SUMF1: variants seen among roughly 807,000 people sequenced by gnomAD.
SUMF1 encodes formylglycine-generating enzyme.
A neutral mutation model predicts 47.6 loss-of-function variants in SUMF1; 48 were observed. That is an observed-to-expected ratio of 1.01 (90% CI 0.80 to 1.28). The LOEUF is 1.28. SUMF1 is among the 50% of genes most tolerant of loss of function. SUMF1 has a pLI of 0.00. For synonymous variants in SUMF1, 230 were observed against 192.1 expected (o/e 1.20, Z -1.63); for missense variants, 571 against 485.4 (o/e 1.18, Z -1.66).
chr3:4,057,795 A>T (rs972488615), intron 9 of SUMF1, among the ~76,000 whole-genome samples: 2 of 152,094 alleles, frequency 1.3e-5, no homozygotes, highest in Admixed American at 1.3e-4. Context: ...GTTTATGGGG[A>T]TAGATTATTT....
intron 8 of SUMF1, among the ~76,000 whole-genome samples, chr3:4,259,281 T>C (rs538648571): frequency 6.6e-6 from 1 of 152,216 alleles, no homozygotes; most frequent in South Asian, 2.1e-4. Context: ...AATAAATAAA[T>C]AAATAAAAAT....
At chr3:4,231,272 C>G (rs1696293324) in intron 8 of SUMF1, among the ~76,000 whole-genome samples, 1 of 152,120 alleles carries the variant, frequency 6.6e-6, no homozygotes, top group African/African-American at 2.4e-5. Flanking sequence ...GGTCACATAA[C>G]CTTTAGGACT....
At chr3:4,131,258 T>A (rs191521785) in intron 8 of SUMF1, among the ~76,000 whole-genome samples, 4 of 152,122 alleles carry the variant, frequency 2.6e-5, no homozygotes, top group Non-Finnish European at 5.9e-5. Flanking sequence ...GAGCAGGTCA[T>A]GAAGGCACAA....
At chr3:4,306,571 C>G (rs543193161) in intron 8 of SUMF1, among the ~76,000 whole-genome samples, 11 of 152,274 alleles carry the variant, frequency 7.2e-5, no homozygotes, top group Non-Finnish European at 1.5e-4. Context: ...AGACAGGATG[C>G]CTTCCTAAGA....
intron 8 of SUMF1, among the ~76,000 whole-genome samples, chr3:4,214,141 T>C (rs1695863555): frequency 6.6e-6 from 1 of 152,220 alleles, no homozygotes; most frequent in African/African-American, 2.4e-5. Flanking sequence ...TATTCTAAAA[T>C]TGACCACATA....
At chr3:4,466,345 C>CAG (rs1452716234) in intron 1 of SUMF1, among the ~76,000 whole-genome samples, 1 of 152,092 alleles carries the variant, frequency 6.6e-6, no homozygotes, top group Non-Finnish European at 1.5e-5. Flanking sequence ...CTCCTGACCT[C>CAG]GTGATCCGCG....
intron 8 of SUMF1, among the ~76,000 whole-genome samples, chr3:4,083,042 G>C (rs1692599825): frequency 6.6e-6 from 1 of 152,014 alleles, no homozygotes; most frequent in African/African-American, 2.4e-5. Context: ...ATGTCTCCTG[G>C]GTCTAGAACA....
intron 8 of SUMF1, among the ~76,000 whole-genome samples, chr3:4,284,802 T>C (rs1697599805): frequency 6.6e-6 from 1 of 152,152 alleles, no homozygotes; most frequent in African/African-American, 2.4e-5. Context: ...TGGGATTATC[T>C]GTGGTGCTTG....
rs76856464 is a variant in SUMF1 at position 4,318,926 on chromosome 3, G to A, written c.1014+57404C>T. Among the ~76,000 whole-genome samples, 7 of 152,080 alleles carry A rather than the reference G, an allele frequency of 4.6e-5. No individual in the cohort carries two copies. In the South Asian group the frequency reaches 8.3e-4, roughly 18 times the overall value. On this transcript the variant is annotated intron_variant and NMD_transcript_variant, in intron 8 of 12. Coordinates refer to the SUMF1 transcript ENST00000448413. Reference sequence around the variant, plus strand: ...CTCTCAAAAAAACACAAAAAAAGCCGTAAAAATAATAAGACAAATGACCCA... The same window carrying A: ...CTCTCAAAAAAACACAAAAAAAGCCATAAAAATAATAAGACAAATGACCCA...
chr3:4,167,133 T>C (rs533692339), intron 8 of SUMF1, among the ~76,000 whole-genome samples: 2 of 151,992 alleles, frequency 1.3e-5, no homozygotes, highest in Non-Finnish European at 2.9e-5. Flanking sequence ...ACTTCAAGAA[T>C]GAAGCCACGG....
At chr3:4,249,338 A>G (rs1164334232) in intron 8 of SUMF1, among the ~76,000 whole-genome samples, 1 of 152,210 alleles carries the variant, frequency 6.6e-6, no homozygotes, top group Non-Finnish European at 1.5e-5. Context: ...TTGAAAGTTT[A>G]TAGCAACTCT....
At chr3:4,122,168 A>T in intron 8 of SUMF1, among the ~76,000 whole-genome samples, 1 of 152,172 alleles carries the variant, frequency 6.6e-6, no homozygotes. Context: ...ATACAGCAGC[A>T]GCACTATTCA....
chr3:4,088,822 A>G (rs904048347), intron 8 of SUMF1, among the ~76,000 whole-genome samples: 18 of 152,110 alleles, frequency 1.2e-4, no homozygotes, highest in African/African-American at 4.3e-4. Context: ...CTGACTCAAT[A>G]TGTGTAAGCT....
chr3:4,303,981 G>A (rs1429906912), intron 8 of SUMF1: 2 of 626,710 alleles, frequency 3.2e-6, no homozygotes, highest in African/African-American at 2.0e-5. Context: ...TCTTGGGCGA[G>A]TGTAAATTAG....
chr3:4,065,738 A>G (rs1246259490), intron 9 of SUMF1, among the ~76,000 whole-genome samples: 3 of 152,124 alleles, frequency 2.0e-5, no homozygotes, highest in Non-Finnish European at 4.4e-5. Context: ...CAATCCTTAC[A>G]ACAACCCAGC....
At chr3:4,187,964 A>G (rs1695237812) in intron 8 of SUMF1, among the ~76,000 whole-genome samples, 1 of 152,074 alleles carries the variant, frequency 6.6e-6, no homozygotes, top group African/African-American at 2.4e-5. Flanking sequence ...TCATGATAAA[A>G]CTGTTTTTTA....
intron 9 of SUMF1, among the ~76,000 whole-genome samples, chr3:4,049,354 A>G: frequency 6.6e-6 from 1 of 152,182 alleles, no homozygotes; most frequent in Non-Finnish European, 1.5e-5. Context: ...TCTACCTTCA[A>G]GAAAGTGATG....
intron 8 of SUMF1, among the ~76,000 whole-genome samples, chr3:4,206,118 C>T (rs1033804262): frequency 6.6e-6 from 1 of 151,708 alleles, no homozygotes; most frequent in African/African-American, 2.4e-5. Flanking sequence ...TTTAATATGG[C>T]TAAGCCAGTA....
intron 8 of SUMF1, among the ~76,000 whole-genome samples, chr3:4,299,089 A>C (rs758240568): frequency 8.5e-5 from 13 of 152,218 alleles, no homozygotes; most frequent in Admixed American, 1.3e-4. Flanking sequence ...CATATACATG[A>C]CTATCTCTTC....
Sources: gnomAD v4.1 joint callset for allele counts (sites outside exome capture counted in the v4.1 genomes callset) on GRCh38, gnomAD v4.1.1 for gene constraint, MANE v1.5 for transcripts, NCBI Gene and HGNC (gene_info 2026-07-23, HGNC 2026-07-21) for gene names.